The following UBR4 variants were observed in gnomAD, a reference collection of about 807,000 sequenced individuals.
The protein encoded by UBR4 is E3 ubiquitin-protein ligase UBR4.
In UBR4, 124 loss-of-function variants were observed where a neutral mutation model predicts 575.6. That is an observed-to-expected ratio of 0.22 (90% CI 0.19 to 0.25). UBR4 has a LOEUF of 0.25. Among genes scored for constraint, UBR4 ranks in the 10% least tolerant of loss-of-function variants. The pLI is 1.00. For missense variants in UBR4, 4,818 were observed against 6,478.8 expected (o/e 0.74, Z 8.80); for synonymous variants, 2,455 against 2,473.7 (o/e 0.99, Z 0.22).
At chr1:19,150,532 G>T in intron 49 of UBR4, 45 bp downstream of exon 49, 1 of 1,591,982 alleles carries the variant, frequency 6.3e-7, no homozygotes, top group Non-Finnish European at 8.6e-7. Context: ...TCTGCAGTGA[G>T]TGGAATATGT....
rs1156333916 is a variant in UBR4 at position 19,097,291 on chromosome 1, A to G, written c.13303-11T>C. 6.2e-7 allele frequency: 1 copy of G among 1,610,534 alleles called. No homozygotes were observed. The highest frequency in any genetic ancestry group is 8.5e-7 in the Non-Finnish European group (1 of 1,178,600). Reference sequence around the variant, plus strand: ...CCTCATGGGCTCTCCCTGAGCAGAGAAAGTTGGAGAAAGGTACTTAAAAAC... The same window carrying G: ...CCTCATGGGCTCTCCCTGAGCAGAGGAAGTTGGAGAAAGGTACTTAAAAAC... On this transcript the variant is annotated splice_polypyrimidine_tract_variant and intron_variant, in intron 90 of 105. Coordinates refer to ENST00000375254, the MANE Select transcript of UBR4 (RefSeq NM_020765.3).
Position 19,121,385 on chromosome 1 carries a change from C to T in UBR4, c.9945G>A (p.Val3315=). Residue 3315 remains valine (V), a synonymous_variant, in exon 68 of 106, where the codon GTG becomes GTA. Coordinates refer to ENST00000375254, the MANE Select transcript of UBR4 (RefSeq NM_020765.3). Reference sequence around the variant, plus strand: ...AGAGCAGTTGCAGCAGCACTGGGGACACGCCCTCATCCACAAGGAAACTGA... The same window carrying T: ...AGAGCAGTTGCAGCAGCACTGGGGATACGCCCTCATCCACAAGGAAACTGA... The part of the protein sequence containing the change: ...LQVSFLVDEG[V]SPVLLQLLSC... The T allele has an allele frequency of 6.2e-7, 1 of 1,614,128 alleles. No homozygotes were observed. Among genetic ancestry groups the T allele is most frequent in the Non-Finnish European group, 8.5e-7 (1 of 1,179,996 alleles).
chr1:19,179,437 T>C (rs767949966), intron 17 of UBR4, among the ~76,000 whole-genome samples: 1 of 152,134 alleles, frequency 6.6e-6, no homozygotes, highest in Non-Finnish European at 1.5e-5. Context: ...CTAACCTCAT[T>C]AACATTTATA....
chr1:19,210,225 C>CGAGA lies in UBR4; in HGVS notation c.23_24insTCTC (p.Glu8AspfsTer54). The CGAGA allele has an allele frequency of 7.0e-7, 1 of 1,437,184 alleles. No individual in the cohort carries two copies. 89.0% of individuals were successfully genotyped at this position (1,437,184 alleles called of 1,614,324 possible). ...CCGGCGCCGGAGCCGCTGCCGCCGC[C>CGAGA]TCTTCGCCGCCGCTCGTCGCCATCT... On this transcript the variant is annotated frameshift_variant, in exon 1 of 106. Coordinates refer to ENST00000375254, the MANE Select transcript of UBR4 (RefSeq NM_020765.3). LOFTEE classifies it high-confidence loss of function.
At position 19,155,610 on chromosome 1, in the gene UBR4, G is replaced by A; in HGVS notation, c.6131C>T (p.Ser2044Leu). 1.9e-6 allele frequency: 3 copies of A among 1,614,078 alleles called. No individual in the cohort carries two copies. Among genetic ancestry groups the A allele is most frequent in the Non-Finnish European group, 2.5e-6 (3 of 1,180,010 alleles). Residue 2044 changes from serine to leucine, a missense_variant, in exon 43 of 106, where the codon TCA (serine) becomes TTA (leucine). Ser to Leu is a moderately radical substitution (Grantham distance 145, BLOSUM62 -2). Coordinates refer to ENST00000375254, the MANE Select transcript of UBR4 (RefSeq NM_020765.3). Reference sequence around the variant, plus strand: ...AAGGAAGGTAACATCTCTTATCTTTGAGCTTGGCAGGAGAAAATAGAAGGT... The same window carrying A: ...AAGGAAGGTAACATCTCTTATCTTTAAGCTTGGCAGGAGAAAATAGAAGGT... ...SPTFYFLLPSSKIRDVTFLFN... is the reference protein window; with the variant it reads ...SPTFYFLLPSLKIRDVTFLFN...
In UBR4 at chr1:19,127,754, G is replaced by A. The variant is rs746278505; in HGVS notation, c.9112-15C>T. The stretch of plus-strand genomic sequence containing the variant: ...TTGGAGACATCCTGCAGGCCAAAGC[G>A]TAAGTCCAGAAACCTCTACTTACTC... On this transcript the variant is annotated splice_polypyrimidine_tract_variant and intron_variant, in intron 62 of 105. Transcript: ENST00000375254. The A allele has an allele frequency of 6.2e-6, 10 of 1,607,704 alleles. 1 individual carries two copies. Among genetic ancestry groups the A allele is most frequent in the Admixed American group, 3.3e-5 (2 of 59,996 alleles).
chr1:19,176,345 C>G (rs2090263132), intron 20 of UBR4, among the ~76,000 whole-genome samples: 1 of 146,978 alleles, frequency 6.8e-6, no homozygotes, highest in Non-Finnish European at 1.5e-5. Context: ...CTGCCCGCCT[C>G]TGCCTCCCAA....
Position 19,186,600 on chromosome 1 carries a change from T to C in UBR4, c.1690A>G (p.Thr564Ala), listed in dbSNP as rs1210551833. The C allele has an allele frequency of 6.2e-7, 1 of 1,614,144 alleles. No homozygotes were observed. Among genetic ancestry groups the C allele is most frequent in the Non-Finnish European group, 8.5e-7 (1 of 1,180,022 alleles). The change falls in exon 14 of 106, where the codon ACC (threonine) becomes GCC (alanine). Residue 564 changes from threonine to alanine, a missense_variant. By Grantham distance (58) the Thr-to-Ala change is moderately conservative (BLOSUM62 0). This residue lies in a region of UBR4 where 162 missense variants were observed against 216.4 expected (regional missense o/e 0.75). Transcript: ENST00000375254. ...GSMSSDASASTDSNTYYEDDF... is the reference protein window; with the variant it reads ...GSMSSDASASADSNTYYEDDF... ...TCCTCATAGTAAGTATTGGAGTCGG[T>C]GGAGGCGCTGGCATCGCTGCTCATG... is the stretch of plus-strand genomic sequence containing the variant.
At position 19,076,746 on chromosome 1, in the gene UBR4, C is replaced by T. The variant is rs1373353070; in HGVS notation, c.15481G>A (p.Val5161Met). 2 of 1,614,042 alleles carry T rather than the reference C, an allele frequency of 1.2e-6. No homozygotes were observed. The highest frequency in any genetic ancestry group is 8.5e-7 in the Non-Finnish European group (1 of 1,180,036). ...AGAAAACCTTGACACTAACCGGCCA[C>T]ATCGAGGAACTCTGAGAAGGTCTCC... ...PVETFSEFLD[V>M]AGLLSEITDP... Residue 5161 changes from valine to methionine, a missense_variant, in exon 105 of 106, where the codon GTG becomes ATG. By Grantham distance (21) the Val-to-Met change is conservative. Transcript: ENST00000375254.
intron 52 of UBR4, among the ~76,000 whole-genome samples, 166 bp downstream of exon 52, chr1:19,146,660 G>A (rs910173148): frequency 6.6e-6 from 1 of 152,164 alleles, no homozygotes. Flanking sequence ...GTTTAAAATT[G>A]TACAATCTCA....
At chr1:19,096,344 C>T (rs922372222) in intron 92 of UBR4, among the ~76,000 whole-genome samples, 179 bp downstream of exon 92, 2 of 152,054 alleles carry the variant, frequency 1.3e-5, no homozygotes, top group South Asian at 4.2e-4. Context: ...GCCAGCAGGA[C>T]GGGAAAAGGT....
rs745543482 is a variant in UBR4, at chr1:19,100,332, GC to G, written c.13221+43del. 8.7e-5 allele frequency: 140 copies of G among 1,606,160 alleles called. 1 individual carries two copies. The highest frequency in any genetic ancestry group is 5.3e-4 in the South Asian group (48 of 90,844). On this transcript the variant is annotated intron_variant, in intron 89 of 105. Transcript: ENST00000375254. The surrounding 1 kb of genome is among the most constrained non-coding windows in gnomAD (Gnocchi z 4.2). ...CTGGATTTGGTTAGCCTAGGAGGAA[GC>G]CCCTAATCGTAAACGTGGGCAGCAC...
chr1:19,141,355 T>TC lies in UBR4; in HGVS notation c.8479dup (p.Asp2827GlyfsTer34). 6.2e-7 allele frequency: 1 copy of TC among 1,614,234 alleles called. No homozygotes were observed. The highest frequency in any genetic ancestry group is 8.5e-7 in the Non-Finnish European group (1 of 1,180,042). On this transcript the variant is annotated frameshift_variant, in exon 57 of 106. Transcript: ENST00000375254. LOFTEE classifies it high-confidence loss of function. ...TTGGCATGGCCTTCTACCTTGTTGG[T>TC]CCTGCTGCAGGCTCAGGGCAATGGC...
intron 83 of UBR4, among the ~76,000 whole-genome samples, chr1:19,106,173 T>C (rs1278199240): frequency 1.3e-5 from 2 of 152,218 alleles, no homozygotes; most frequent in East Asian, 3.8e-4. Context: ...CTGAATACTT[T>C]CATTTAAATG....
rs931826294 is a variant in UBR4, at chr1:19,074,624, G to A, written c.*208C>T. Reference sequence around the variant, plus strand: ...ATGTACAGGCCCTTTGATGGCTTGGGTTACAGACAACCTCATAGCTGGTGC... The same window carrying A: ...ATGTACAGGCCCTTTGATGGCTTGGATTACAGACAACCTCATAGCTGGTGC... On this transcript the variant is annotated 3_prime_UTR_variant, in exon 106 of 106. Transcript: ENST00000375254. 2 of 613,412 alleles carry A rather than the reference G, an allele frequency of 3.3e-6. No homozygotes were observed. Among genetic ancestry groups the A allele is most frequent in the African/African-American group, 1.8e-5 (1 of 54,142 alleles). 38.0% of individuals were successfully genotyped at this position (613,412 alleles called of 1,614,324 possible).
At chr1:19,081,708 C>T in intron 102 of UBR4, 135 bp from the exon 103 acceptor site, 1 of 949,906 alleles carries the variant, frequency 1.1e-6, no homozygotes, top group Non-Finnish European at 1.7e-6. Context: ...CACTCCCCAC[C>T]CATCCTTGCC....
At chr1:19,103,330 C>T (rs910509891) in intron 87 of UBR4, among the ~76,000 whole-genome samples, 14 of 152,030 alleles carry the variant, frequency 9.2e-5, no homozygotes, top group African/African-American at 3.4e-4. Flanking sequence ...TTTGGGAGGC[C>T]GAGGCAGGCG....
intron 71 of UBR4, 162 bp downstream of exon 71, chr1:19,118,710 G>A: frequency 4.5e-6 from 3 of 665,206 alleles, no homozygotes; most frequent in South Asian, 1.9e-5. Context: ...CCTTCTATTT[G>A]CAAGACCCTG....
rs1001622192 is a variant in UBR4 at position 19,112,395 on chromosome 1, C to A, written c.11801+129G>T. On this transcript the variant is annotated intron_variant, in intron 78 of 105. Coordinates refer to ENST00000375254, the MANE Select transcript of UBR4 (RefSeq NM_020765.3). ...ACACCCTGTGTCTCTTTCCATCTTT[C>A]CTTTGTTATAAGCTACCTAACTTGC... 7 of 1,101,026 alleles carry A rather than the reference C, an allele frequency of 6.4e-6. No individual in the cohort carries two copies. The South Asian group carries it at 1.1e-4, about 17-fold the overall frequency. The allele number at this position is 1,101,026 out of a possible 1,614,324, so 68.2% of individuals were successfully genotyped here.
Sources: gnomAD v4.1 joint callset for allele counts (sites outside exome capture counted in the v4.1 genomes callset) on GRCh38, gnomAD v4.1.1 for gene constraint, gnomAD v4.1.1 regional missense constraint, Gnocchi (gnomAD v3.1) non-coding constraint, MANE v1.5 for transcripts, NCBI Gene and HGNC (gene_info 2026-07-23, HGNC 2026-07-21) for gene names.